The following CNIH2 variants were observed in gnomAD, a reference collection of about 807,000 sequenced individuals.
CNIH2 encodes the protein protein cornichon homolog 2.
In CNIH2, 8 loss-of-function variants were observed where a neutral mutation model predicts 22.9. That is an observed-to-expected ratio of 0.35 (90% CI 0.20 to 0.63). The LOEUF (loss-of-function observed/expected upper bound fraction) is 0.63. Among genes scored for constraint, CNIH2 ranks in the 30% least tolerant of loss-of-function variants. The pLI is 0.72. For synonymous variants in CNIH2, 74 were observed against 78.2 expected (o/e 0.95, Z 0.28); for missense variants, 105 against 206.2 (o/e 0.51, Z 3.01).
chr11:66,282,696 C>G, intron 2 of CNIH2, 37 bp from the exon 3 acceptor site: 1 of 1,612,632 alleles, frequency 6.2e-7, no homozygotes, highest in East Asian at 2.2e-5. Context: ...ACCTGCTTCT[C>G]CGCCACCCCA....
rs1023445508 is a variant in CNIH2, at chr11:66,283,758, C to G, written c.*161C>G. On this transcript the variant is annotated 3_prime_UTR_variant, in exon 6 of 6. Coordinates refer to ENST00000311445, the MANE Select transcript of CNIH2 (RefSeq NM_182553.3). ...CTGCTGCTGCGGGGAACCCCCCCCACCCCGCCTTCAGAGCCCTCCCCCTTG... is the reference window on the plus strand; with the variant it reads ...CTGCTGCTGCGGGGAACCCCCCCCAGCCCGCCTTCAGAGCCCTCCCCCTTG... 21 of 732,678 alleles carry G rather than the reference C, an allele frequency of 2.9e-5. No homozygotes were observed. Among genetic ancestry groups the G allele is most frequent in the Non-Finnish European group, 2.6e-5 (12 of 452,976 alleles). 45.4% of individuals were successfully genotyped at this position (732,678 alleles called of 1,614,324 possible).
At chr11:66,280,846 G>A (rs1377538772) in intron 1 of CNIH2, among the ~76,000 whole-genome samples, 1 of 152,122 alleles carries the variant, frequency 6.6e-6, no homozygotes, top group East Asian at 1.9e-4. Context: ...TGGGGCCTGG[G>A]ATGCCTGGGG....
intron 3 of CNIH2, 46 bp from the exon 4 acceptor site, chr11:66,282,989 T>G: frequency 1.3e-6 from 2 of 1,535,762 alleles, no homozygotes; most frequent in South Asian, 2.2e-5. Flanking sequence ...TGAAGGCTGG[T>G]CTGTCATAGC....
rs1324243431 is a variant in CNIH2, at chr11:66,278,337, C to T, written c.-120C>T. 8.6e-6 allele frequency: 2 copies of T among 233,816 alleles called. No individual in the cohort carries two copies. The highest frequency in any genetic ancestry group is 6.9e-6 in the Non-Finnish European group (1 of 145,028). The allele number at this position is 233,816 out of a possible 1,614,324, so 14.5% of individuals were successfully genotyped here. On this transcript the variant is annotated 5_prime_UTR_variant, in exon 1 of 6. Coordinates refer to ENST00000311445, the MANE Select transcript of CNIH2 (RefSeq NM_182553.3). The stretch of plus-strand genomic sequence containing the variant: ...CGCGGTCCCGGTCCCGGCCGCATCA[C>T]CCACGTCCCCCGAGCCCCACGGGCC...
intron 2 of CNIH2, 34 bp downstream of exon 2, chr11:66,282,361 C>T (rs1590892082): frequency 1.4e-6 from 2 of 1,404,984 alleles, no homozygotes; most frequent in Non-Finnish European, 1.9e-6. Context: ...GAGGTGTGTC[C>T]GTCCGTCTGT....
At chr11:66,283,438 A>G (rs1200314084) in intron 5 of CNIH2, 47 bp downstream of exon 5, 2 of 1,612,366 alleles carry the variant, frequency 1.2e-6, no homozygotes, top group African/African-American at 1.3e-5. Context: ...GGGATGTCCC[A>G]GCATCACGCT....
In CNIH2 at chr11:66,283,734, T is replaced by TG; in HGVS notation, c.*138dup. 1 of 936,496 alleles carries TG rather than the reference T, an allele frequency of 1.1e-6. No individual in the cohort carries two copies. The highest frequency in any genetic ancestry group is 1.6e-6 in the Non-Finnish European group (1 of 630,028). 58.0% of individuals were successfully genotyped at this position (936,496 alleles called of 1,614,324 possible). A position where few individuals can be genotyped will look rare whatever the true frequency, so the allele number is the denominator to read the frequency against. ...CCCCCAGCCTCTCCAACCCCCAAAC[T>TG]GCTGCTGCGGGGAACCCCCCCCACC... On this transcript the variant is annotated 3_prime_UTR_variant, in exon 6 of 6. Coordinates refer to ENST00000311445, the MANE Select transcript of CNIH2 (RefSeq NM_182553.3).
intron 5 of CNIH2, 40 bp from the exon 6 acceptor site, chr11:66,283,526 CTGTG>C (rs759506682): frequency 1.2e-5 from 20 of 1,605,748 alleles, no homozygotes; most frequent in Non-Finnish European, 1.7e-5. Context: ...ATCTGGGTGG[CTGTG>C]TGTGTGCAGG....
chr11:66,283,544 A>AG (rs765229799), intron 5 of CNIH2, 26 bp from the exon 6 acceptor site: 1 of 1,601,838 alleles, frequency 6.2e-7, no homozygotes, highest in East Asian at 2.3e-5. Flanking sequence ...GTGCAGGGCT[A>AG]GGCTCACTGG....
At chr11:66,279,566 C>T (rs907709628) in intron 1 of CNIH2, among the ~76,000 whole-genome samples, 2 of 152,112 alleles carry the variant, frequency 1.3e-5, no homozygotes, top group Admixed American at 6.5e-5. Flanking sequence ...TTGTCATTCC[C>T]TTTCAGGGGT....
rs1159290334 is a variant in CNIH2 at position 66,282,300 on chromosome 11, C to T, written c.123C>T (p.Pro41=). ...AGCTGCGGACCGACTTCAAGAACCC[C>T]ATCGACCAGGGGAACCCTGCGCGGG... ...FDELRTDFKN[P]IDQGNPARAR... Residue 41 remains proline, a synonymous_variant, in exon 2 of 6, where the codon CCC becomes CCT. Coordinates refer to ENST00000311445, the MANE Select transcript of CNIH2 (RefSeq NM_182553.3). 6.2e-7 allele frequency: 1 copy of T among 1,613,680 alleles called. No homozygotes were observed. The highest frequency in any genetic ancestry group is 1.3e-5 in the African/African-American group (1 of 74,920).
rs1294472259 is a variant in CNIH2 at position 66,283,724 on chromosome 11, A to AC, written c.*132dup. The AC allele has an allele frequency of 9.6e-7, 1 of 1,044,306 alleles. No homozygotes were observed. Among genetic ancestry groups the AC allele is most frequent in the African/African-American group, 1.6e-5 (1 of 61,802 alleles). 64.7% of individuals were successfully genotyped at this position (1,044,306 alleles called of 1,614,324 possible). ...GGCACTGGTGCCCCCAGCCTCTCCA[A>AC]CCCCCAAACTGCTGCTGCGGGGAAC... is the stretch of plus-strand genomic sequence containing the variant. On this transcript the variant is annotated 3_prime_UTR_variant, in exon 6 of 6. Transcript: ENST00000311445.
chr11:66,282,415 G>C (rs1857272688), intron 2 of CNIH2, 88 bp downstream of exon 2: 1 of 1,044,816 alleles, frequency 9.6e-7, no homozygotes, highest in African/African-American at 1.6e-5. Context: ...GGGAAGACGG[G>C]GGTGGGGTGG....
Position 66,278,349 on chromosome 11 carries a change from G to A in CNIH2, c.-108G>A, listed in dbSNP as rs1280468955. 18 of 275,298 alleles carry A rather than the reference G, an allele frequency of 6.5e-5. No homozygotes were observed. Among genetic ancestry groups the A allele is most frequent in the African/African-American group, 4.2e-4 (18 of 43,168 alleles). The allele number at this position is 275,298 out of a possible 1,614,324, so 17.1% of individuals were successfully genotyped here. On this transcript the variant is annotated 5_prime_UTR_variant, in exon 1 of 6. Transcript: ENST00000311445. ...CCCGGCCGCATCACCCACGTCCCCCGAGCCCCACGGGCCATGCCCGGCCGG... is the reference window on the plus strand; with the variant it reads ...CCCGGCCGCATCACCCACGTCCCCCAAGCCCCACGGGCCATGCCCGGCCGG...
At chr11:66,279,497 G>T (rs1345928189) in intron 1 of CNIH2, among the ~76,000 whole-genome samples, 1 of 131,208 alleles carries the variant, frequency 7.6e-6, no homozygotes, top group Non-Finnish European at 1.5e-5. Flanking sequence ...TGCCCAGCTC[G>T]GCCCTGGCTG....
intron 2 of CNIH2, 193 bp downstream of exon 2, chr11:66,282,520 T>G: frequency 1.2e-6 from 1 of 866,200 alleles, no homozygotes; most frequent in Non-Finnish European, 1.8e-6. Context: ...GGGGCGGTGG[T>G]TGCCAGGCTC....
At chr11:66,281,106 C>A (rs1323015609) in intron 1 of CNIH2, among the ~76,000 whole-genome samples, 2 of 152,170 alleles carry the variant, frequency 1.3e-5, no homozygotes, top group African/African-American at 4.8e-5. Context: ...GAGTCTGGCT[C>A]CTAAAGAGCT....
chr11:66,282,889 T>C, intron 3 of CNIH2, 109 bp downstream of exon 3: 1 of 1,432,422 alleles, frequency 7.0e-7, no homozygotes, highest in South Asian at 1.2e-5. Flanking sequence ...TCCACTCTAC[T>C]TGGGAGGGAG....
At chr11:66,282,998 G>A in intron 3 of CNIH2, 37 bp from the exon 4 acceptor site, 1 of 1,563,976 alleles carries the variant, frequency 6.4e-7, no homozygotes, top group Non-Finnish European at 8.8e-7. Context: ...GTCTGTCATA[G>A]CACCAGGCCG....
Sources: gnomAD v4.1 joint callset for allele counts (sites outside exome capture counted in the v4.1 genomes callset) on GRCh38, gnomAD v4.1.1 for gene constraint, MANE v1.5 for transcripts, NCBI Gene and HGNC (gene_info 2026-07-23, HGNC 2026-07-21) for gene names.